Variants in FARS2 observed in about 807,000 individuals in gnomAD.
FARS2 encodes phenylalanyl-tRNA synthetase 2, mitochondrial.
In FARS2, 40 loss-of-function variants were observed where a neutral mutation model predicts 46.4. The ratio of observed to expected loss-of-function variants is 0.86; its 90% confidence interval spans 0.67 to 1.12. The LOEUF is 1.12. FARS2 is among the 50% of genes most tolerant of loss of function. The pLI is 0.00. For missense variants in FARS2, 513 were observed against 567.9 expected (o/e 0.90, Z 0.98); for synonymous variants, 234 against 214.9 (o/e 1.09, Z -0.78).
intron 6 of FARS2, among the ~76,000 whole-genome samples, chr6:5,740,476 A>T (rs1761260964): frequency 6.6e-6 from 1 of 152,024 alleles, no homozygotes; most frequent in South Asian, 2.1e-4. Context: ...GTTGTTCCTA[A>T]TCAAAATGAA....
chr6:5,441,200 G>T (rs1189762983), intron 4 of FARS2, among the ~76,000 whole-genome samples: 2 of 152,202 alleles, frequency 1.3e-5, no homozygotes, highest in Admixed American at 1.3e-4. Flanking sequence ...GGGATTACAG[G>T]CATGAGCCAC....
At chr6:5,493,258 A>C (rs1421488782) in intron 4 of FARS2, among the ~76,000 whole-genome samples, 1 of 151,760 alleles carries the variant, frequency 6.6e-6, no homozygotes, top group Middle Eastern at 3.4e-3. Flanking sequence ...CACATATTGC[A>C]CTATGTTGCT....
At chr6:5,517,033 C>G (rs1768842702) in intron 4 of FARS2, among the ~76,000 whole-genome samples, 1 of 151,930 alleles carries the variant, frequency 6.6e-6, no homozygotes, top group African/African-American at 2.4e-5. Context: ...TTCATTGTGC[C>G]CTGGGAGGTA....
intron 6 of FARS2, among the ~76,000 whole-genome samples, chr6:5,742,384 T>TC (rs1286204940): frequency 1.3e-5 from 2 of 152,212 alleles, no homozygotes; most frequent in Middle Eastern, 3.2e-3. Context: ...ACAAAGTCAG[T>TC]CTACGGGATG....
chr6:5,279,384 AAAAG>A (rs1561927604), intron 1 of FARS2, among the ~76,000 whole-genome samples: 9 of 137,986 alleles, frequency 6.5e-5, no homozygotes, highest in East Asian at 2.1e-4. Context: ...CAAAAAAAAA[AAAAG>A]AAAAAGAAAA....
intron 4 of FARS2, among the ~76,000 whole-genome samples, chr6:5,537,349 T>C (rs1299235233): frequency 6.6e-6 from 1 of 152,256 alleles, no homozygotes; most frequent in Non-Finnish European, 1.5e-5. Flanking sequence ...TTATTTTTAG[T>C]CTTGCCACAG....
chr6:5,496,124 G>A (rs1767448186), intron 4 of FARS2, among the ~76,000 whole-genome samples: 1 of 152,092 alleles, frequency 6.6e-6, no homozygotes, highest in African/African-American at 2.4e-5. Flanking sequence ...AACAATATAT[G>A]CCCTTTTCTT....
chr6:5,389,267 G>C (rs1042568195), intron 2 of FARS2, among the ~76,000 whole-genome samples: 1 of 152,196 alleles, frequency 6.6e-6, no homozygotes, highest in East Asian at 1.9e-4. Flanking sequence ...ACTGTGTTAG[G>C]CGAGTACTAT....
At chr6:5,437,312 A>G (rs978892512) in intron 4 of FARS2, among the ~76,000 whole-genome samples, 14 of 152,218 alleles carry the variant, frequency 9.2e-5, no homozygotes, top group Non-Finnish European at 1.5e-4. Context: ...TCCATTCTCT[A>G]GAAGCAAAAA....
intron 5 of FARS2, among the ~76,000 whole-genome samples, chr6:5,584,698 A>G (rs923259920): frequency 2.0e-5 from 3 of 152,092 alleles, no homozygotes; most frequent in African/African-American, 7.2e-5. Flanking sequence ...CCTTCCATAG[A>G]TATGCATCTG....
intron 6 of FARS2, among the ~76,000 whole-genome samples, chr6:5,639,640 CTCT>C (rs1354162303): frequency 2.0e-5 from 3 of 152,240 alleles, no homozygotes; most frequent in Non-Finnish European, 4.4e-5. Flanking sequence ...CTACCTTCCT[CTCT>C]TCTTCTATCC....
At chr6:5,517,547 G>C (rs1001819309) in intron 4 of FARS2, among the ~76,000 whole-genome samples, 24 of 151,928 alleles carry the variant, frequency 1.6e-4, no homozygotes, top group African/African-American at 5.6e-4. Context: ...GGGAGGTGGA[G>C]GTTGCAGGGA....
At chr6:5,264,348 C>T (rs1406246348) in intron 1 of FARS2, among the ~76,000 whole-genome samples, 3 of 152,114 alleles carry the variant, frequency 2.0e-5, no homozygotes, top group Non-Finnish European at 2.9e-5. Context: ...TAATAGAACA[C>T]GAAGGGGAAG....
chr6:5,601,620 G>C (rs922498715), intron 5 of FARS2, among the ~76,000 whole-genome samples: 10 of 150,346 alleles, frequency 6.7e-5, no homozygotes, highest in African/African-American at 2.5e-4. Flanking sequence ...ACCTGCATTT[G>C]ACCTTGGCTC....
intron 5 of FARS2, among the ~76,000 whole-genome samples, chr6:5,572,326 C>A (rs1409079727): frequency 2.0e-5 from 3 of 151,962 alleles, no homozygotes; most frequent in African/African-American, 7.3e-5. Context: ...GGAGGTGCCA[C>A]ACACTTTTAA....
intron 5 of FARS2, among the ~76,000 whole-genome samples, chr6:5,603,729 A>T (rs1169298310): frequency 6.6e-6 from 1 of 152,204 alleles, no homozygotes; most frequent in Non-Finnish European, 1.5e-5. Context: ...GTCATATTGC[A>T]TTAGGGTCCA....
chr6:5,631,808 AT>A (rs561322449), intron 6 of FARS2, among the ~76,000 whole-genome samples: 3 of 152,232 alleles, frequency 2.0e-5, no homozygotes, highest in East Asian at 1.9e-4. Context: ...TAAAAGGAGA[AT>A]TTTTTTTCCT....
intron 2 of FARS2, among the ~76,000 whole-genome samples, chr6:5,379,231 G>A (rs1009573758): frequency 1.3e-5 from 2 of 152,104 alleles, no homozygotes; most frequent in African/African-American, 4.8e-5. Context: ...CTCTTTCTGG[G>A]CTGTCAACTT....
chr6:5,621,273 A>G (rs571708926), intron 6 of FARS2, among the ~76,000 whole-genome samples: 5 of 150,384 alleles, frequency 3.3e-5, no homozygotes, highest in Admixed American at 3.3e-4. Context: ...TTTTTTTAAT[A>G]GAGATGGAGG....
Sources: allele counts gnomAD v4.1 joint callset (sites outside exome capture counted in the v4.1 genomes callset), GRCh38; gene constraint gnomAD v4.1.1; transcripts MANE v1.5; gene names NCBI Gene and HGNC (gene_info 2026-07-23, HGNC 2026-07-21).